Variants in CALD1 observed in about 807,000 individuals in gnomAD.
CALD1 encodes caldesmon 1, also known as caldesmon.
In CALD1, 33 loss-of-function variants were observed where a neutral mutation model predicts 99.9. That is an observed-to-expected ratio of 0.33 (90% CI 0.25 to 0.44). CALD1 has a LOEUF of 0.44. Ranked by LOEUF, CALD1 falls within the 20% of genes least tolerant of loss-of-function variation. CALD1 has a pLI of 1.00. For synonymous variants in CALD1, 310 were observed against 325.0 expected (o/e 0.95, Z 0.50); for missense variants, 861 against 962.1 (o/e 0.89, Z 1.39).
chr7:134,759,591 C>T (rs150942576), intron 1 of CALD1, among the ~76,000 whole-genome samples: 9 of 152,244 alleles, frequency 5.9e-5, no homozygotes, highest in Non-Finnish European at 1.0e-4. Flanking sequence ...CATGTGTGTG[C>T]AGGGGTGAAG....
chr7:134,812,763 T>C (rs186696230), intron 1 of CALD1, among the ~76,000 whole-genome samples: 51 of 152,292 alleles, frequency 3.3e-4, no homozygotes, highest in Admixed American at 6.5e-4. Flanking sequence ...AATTGTTAAA[T>C]AAGCAGTTGG....
rs532562894 is a variant in CALD1, at chr7:134,783,777, T to C, written c.-130+4028T>C. ...GAGTGGGGTCAGATCTGGATTCCCA[T>C]AGAAGACAAGGGTGGATGGGATCAG... On this transcript the variant is annotated intron_variant, in intron 1 of 14. Coordinates refer to ENST00000361675, the MANE Select transcript of CALD1 (RefSeq NM_033138.4). This position sits in a 1 kb window ranked among gnomAD's most constrained non-coding sequence, Gnocchi z 4.3. Among the ~76,000 whole-genome samples, 1 of 152,204 alleles carries C rather than the reference T, an allele frequency of 6.6e-6. No individual in the cohort carries two copies. Among genetic ancestry groups the C allele is most frequent in the African/African-American group, 2.4e-5 (1 of 41,512 alleles).
the CALD1 span, among the ~76,000 whole-genome samples, chr7:134,721,872 T>TGG: frequency 1.3e-5 from 2 of 152,176 alleles, no homozygotes; most frequent in Admixed American, 6.5e-5. Context: ...TTGATAGTAG[T>TGG]GGGGTAGCTC....
intron 2 of CALD1, among the ~76,000 whole-genome samples, chr7:134,857,886 A>G (rs1325077813): frequency 6.6e-6 from 1 of 152,168 alleles, no homozygotes. Context: ...ATACAAAAAT[A>G]CTGCTATTAA....
rs1797027318 is a variant in CALD1, at chr7:134,779,677, G to C, written c.-202G>C. 2.5e-6 allele frequency: 1 copy of C among 398,658 alleles called. No individual in the cohort carries two copies. 24.7% of individuals were successfully genotyped at this position (398,658 alleles called of 1,614,324 possible). ...TGCCTGCCCGCCTGCTTGCTCTCTGGCTGTGCTCCTGCTTAAAGAAATCAG... is the reference window on the plus strand; with the variant it reads ...TGCCTGCCCGCCTGCTTGCTCTCTGCCTGTGCTCCTGCTTAAAGAAATCAG... On this transcript the variant is annotated 5_prime_UTR_variant, in exon 1 of 15. Coordinates refer to ENST00000361675, the MANE Select transcript of CALD1 (RefSeq NM_033138.4).
intron 1 of CALD1, among the ~76,000 whole-genome samples, chr7:134,842,755 G>A (rs990134096): frequency 2.6e-5 from 4 of 152,132 alleles, no homozygotes; most frequent in Non-Finnish European, 5.9e-5. Flanking sequence ...GTAAATATAT[G>A]CTAGCAATGT....
chr7:134,810,971 T>G (rs1046970418), intron 1 of CALD1, among the ~76,000 whole-genome samples: 18 of 152,150 alleles, frequency 1.2e-4, no homozygotes, highest in African/African-American at 3.9e-4. Context: ...TGATTGAAAA[T>G]TAATCCATAA....
intron 1 of CALD1, among the ~76,000 whole-genome samples, chr7:134,754,982 A>G (rs1240298141): frequency 7.7e-6 from 1 of 129,296 alleles, no homozygotes; most frequent in African/African-American, 3.0e-5. Context: ...ACTCAACACT[A>G]CTATATATTT....
intron 3 of CALD1, among the ~76,000 whole-genome samples, chr7:134,903,569 C>A (rs913570014): frequency 2.0e-5 from 3 of 152,128 alleles, no homozygotes; most frequent in African/African-American, 7.3e-5. Context: ...GGTTTGGCAG[C>A]AAGCTTTGGC....
intron 1 of CALD1, among the ~76,000 whole-genome samples, chr7:134,750,227 AC>A (rs1254033163): frequency 6.6e-6 from 1 of 150,638 alleles, no homozygotes; most frequent in Non-Finnish European, 1.5e-5. Flanking sequence ...GGAGCAAGGA[AC>A]CCCTGTCCCT....
At chr7:134,828,357 C>T (rs1375664768) in intron 1 of CALD1, among the ~76,000 whole-genome samples, 1 of 152,140 alleles carries the variant, frequency 6.6e-6, no homozygotes, top group African/African-American at 2.4e-5. Flanking sequence ...AATTCGGAAT[C>T]GCAGCTAGAC....
intron 1 of CALD1, among the ~76,000 whole-genome samples, chr7:134,824,040 G>A (rs1269519060): frequency 1.3e-5 from 2 of 152,084 alleles, no homozygotes; most frequent in Non-Finnish European, 2.9e-5. Context: ...CATGAAAGTA[G>A]AAGATTAGGA....
chr7:134,875,433 C>T (rs1801300897), intron 3 of CALD1, among the ~76,000 whole-genome samples: 1 of 152,168 alleles, frequency 6.6e-6, no homozygotes, highest in Non-Finnish European at 1.5e-5. Flanking sequence ...GTCAGGAGTT[C>T]GAGACCAGCC....
intron 3 of CALD1, among the ~76,000 whole-genome samples, chr7:134,898,565 G>T (rs922048825): frequency 1.3e-4 from 20 of 150,468 alleles, no homozygotes; most frequent in African/African-American, 3.2e-4. Flanking sequence ...TTTTTTTTTT[G>T]GTTTTATTTT....
upstream of CALD1, among the ~76,000 whole-genome samples, chr7:134,775,666 G>A (rs977955651): frequency 7.9e-5 from 12 of 151,368 alleles, no homozygotes; most frequent in Non-Finnish European, 1.5e-4. Flanking sequence ...AGCTGAGATC[G>A]TGCCACTGCA....
chr7:134,848,226 C>T (rs975165458), intron 2 of CALD1, among the ~76,000 whole-genome samples: 2 of 152,036 alleles, frequency 1.3e-5, no homozygotes, highest in African/African-American at 2.4e-5. Context: ...AGCTGCATTC[C>T]CTGAAACATA....
intron 9 of CALD1, among the ~76,000 whole-genome samples, chr7:134,955,244 G>A (rs545637017): frequency 6.6e-6 from 1 of 152,118 alleles, no homozygotes; most frequent in Non-Finnish European, 1.5e-5. Flanking sequence ...ACAAAAATTA[G>A]CTGGGCATGG....
the CALD1 span, among the ~76,000 whole-genome samples, chr7:134,714,446 C>T: frequency 2.7e-3 from 411 of 152,272 alleles, 3 homozygotes; most frequent in South Asian, 4.4e-3. Context: ...ACTTCTCCAT[C>T]GAGAAGACCT....
the CALD1 span, among the ~76,000 whole-genome samples, chr7:134,736,768 T>C: frequency 6.6e-6 from 1 of 152,244 alleles, no homozygotes; most frequent in Non-Finnish European, 1.5e-5. Flanking sequence ...TAAGAATTCA[T>C]GCTTTTCATC....
Sources: allele counts gnomAD v4.1 joint callset (sites outside exome capture counted in the v4.1 genomes callset), GRCh38; gene constraint gnomAD v4.1.1; non-coding constraint Gnocchi (gnomAD v3.1); transcripts MANE v1.5; gene names NCBI Gene and HGNC (gene_info 2026-07-23, HGNC 2026-07-21).